The following CCDC146 variants were observed in gnomAD, a reference collection of about 807,000 sequenced individuals.
CCDC146 encodes the protein coiled-coil domain containing 146.
Under a neutral mutation model 119.3 loss-of-function variants are expected in CCDC146, and 92 were observed. The ratio of observed to expected loss-of-function variants is 0.77; its 90% CI spans 0.65 to 0.92. The LOEUF is 0.92. CCDC146 is among the 40% of genes least tolerant of loss of function. The pLI, the probability that CCDC146 is intolerant of heterozygous loss-of-function variation, is 0.00. For synonymous variants in CCDC146, 372 were observed against 371.8 expected (o/e 1.00, Z -0.01); for missense variants, 1,000 against 1,103.0 (o/e 0.91, Z 1.32).
rs540486911 is a variant in CCDC146, at chr7:77,140,039, C to T, written c.-12+17307C>T. ...CCTCCCCAGTAGCTGGGATTACAGGCGTGCACCATCACACCCAGCTAATTT... is the reference window on the plus strand; with the variant it reads ...CCTCCCCAGTAGCTGGGATTACAGGTGTGCACCATCACACCCAGCTAATTT... On this transcript the variant is annotated intron_variant, in intron 1 of 18. Transcript: ENST00000285871. Among the ~76,000 whole-genome samples, 6 of 152,050 alleles carry T rather than the reference C, an allele frequency of 3.9e-5. No homozygotes were observed. In the East Asian group the frequency reaches 7.7e-4, roughly 20 times the overall value.
Position 77,262,185 on chromosome 7 carries a change from T to G in CCDC146, c.1051T>G (p.Ser351Ala), listed in dbSNP as rs532569852. The G allele has an allele frequency of 3.1e-6, 5 of 1,613,840 alleles. No homozygotes were observed. In the African/African-American group the frequency reaches 5.3e-5, roughly 17 times the overall value. Reference sequence around the variant, plus strand: ...CAAGCAGAACTACCATGATGAACTTTCTCGTAAGCAAAGAGAGAAAGAACG... The same window carrying G: ...CAAGCAGAACTACCATGATGAACTTGCTCGTAAGCAAAGAGAGAAAGAACG... Reference protein sequence around the residue: ...IDKQNYHDELSRKQREKERDF... With the variant: ...IDKQNYHDELARKQREKERDF... The change falls in exon 9 of 19, where the codon TCT becomes GCT. Residue 351 changes from serine (S) to alanine (A), a missense_variant. Coordinates refer to ENST00000285871, the MANE Select transcript of CCDC146 (RefSeq NM_020879.3).
At chr7:77,291,797 C>T (rs17151202) in intron 17 of CCDC146, among the ~76,000 whole-genome samples, 8,853 of 152,318 alleles carry the variant, frequency 0.058, 368 homozygotes, top group South Asian at 0.19. Flanking sequence ...ATGCATGTTT[C>T]TGACCTAGTA....
chr7:77,187,481 C>T (rs1368981758), intron 2 of CCDC146, among the ~76,000 whole-genome samples: 1 of 152,142 alleles, frequency 6.6e-6, no homozygotes, highest in Non-Finnish European at 1.5e-5. Flanking sequence ...CCCTTTTTGG[C>T]CAGGTTCTCA....
At chr7:77,159,715 C>T (rs2117464321) in intron 1 of CCDC146, among the ~76,000 whole-genome samples, 1 of 152,314 alleles carries the variant, frequency 6.6e-6, no homozygotes, top group South Asian at 2.1e-4. Flanking sequence ...ATACTGTTTT[C>T]TATAATGGTT....
At chr7:77,213,159 C>G (rs1792221780) in intron 2 of CCDC146, among the ~76,000 whole-genome samples, 1 of 151,978 alleles carries the variant, frequency 6.6e-6, no homozygotes. Flanking sequence ...GGCGCAATTA[C>G]AGCTCACTGC....
At chr7:77,251,891 G>A (rs1227463312) in intron 4 of CCDC146, among the ~76,000 whole-genome samples, 3 of 152,256 alleles carry the variant, frequency 2.0e-5, no homozygotes, top group Non-Finnish European at 4.4e-5. Context: ...GCTCACGCCT[G>A]TAATCCCAGC....
chr7:77,252,056 G>A (rs976640947), intron 4 of CCDC146, among the ~76,000 whole-genome samples: 1 of 152,146 alleles, frequency 6.6e-6, no homozygotes, highest in Non-Finnish European at 1.5e-5. Context: ...GGCTGAGGCA[G>A]GAGAATTGCT....
chr7:77,263,430 C>T (rs1204939390), intron 9 of CCDC146, among the ~76,000 whole-genome samples: 8 of 152,158 alleles, frequency 5.3e-5, no homozygotes, highest in Admixed American at 2.6e-4. Flanking sequence ...GATTGCCCAC[C>T]GGCTTTGTAG....
intron 2 of CCDC146, chr7:77,198,837 T>TA (rs1791924546): frequency 3.1e-6 from 1 of 317,574 alleles, no homozygotes. Flanking sequence ...AACATCGCCT[T>TA]ATCTTTATTG....
intron 18 of CCDC146, among the ~76,000 whole-genome samples, 198 bp from the exon 19 acceptor site, chr7:77,294,464 GT>G (rs1487837290): frequency 0.035 from 789 of 22,858 alleles, 5 homozygotes; most frequent in Admixed American, 0.04. Context: ...TGAGAGGTAG[GT>G]GTGTGTGTGT....
At chr7:77,286,208 C>T (rs1390342481) in intron 15 of CCDC146, among the ~76,000 whole-genome samples, 1 of 152,160 alleles carries the variant, frequency 6.6e-6, no homozygotes, top group African/African-American at 2.4e-5. Flanking sequence ...GGGGCGCAGG[C>T]ACATTGCATG....
At chr7:77,279,286 AT>A (rs1793718086) in intron 13 of CCDC146, among the ~76,000 whole-genome samples, 185 bp downstream of exon 13, 1 of 152,152 alleles carries the variant, frequency 6.6e-6, no homozygotes, top group South Asian at 2.1e-4. Flanking sequence ...AAAATAAAAA[AT>A]AAAAAGAATA....
intron 15 of CCDC146, among the ~76,000 whole-genome samples, chr7:77,286,398 G>A (rs570179132): frequency 2.0e-5 from 3 of 152,072 alleles, no homozygotes; most frequent in Non-Finnish European, 4.4e-5. Flanking sequence ...CACCACCAAC[G>A]TTGGGGATTA....
intron 1 of CCDC146, among the ~76,000 whole-genome samples, chr7:77,158,773 A>G (rs1791213579): frequency 6.6e-6 from 1 of 152,034 alleles, no homozygotes; most frequent in African/African-American, 2.4e-5. Flanking sequence ...CCACCTCCAC[A>G]CCACAAAGTA....
At chr7:77,170,513 A>C (rs1392868304) in intron 2 of CCDC146, among the ~76,000 whole-genome samples, 1 of 152,154 alleles carries the variant, frequency 6.6e-6, no homozygotes, top group African/African-American at 2.4e-5. Context: ...TGCTGGGCTG[A>C]ATGGTAGCTC....
rs879932808 is a variant in CCDC146, at chr7:77,284,984, G to GT, written c.2149-1804dup. On this transcript the variant is annotated intron_variant, in intron 15 of 18. Coordinates refer to ENST00000285871, the MANE Select transcript of CCDC146 (RefSeq NM_020879.3). ...TTACAGCCACAGTGTCTTGGGGTTT[G>GT]TTTTTTTTTTAAGTCTTCTCCCTTT... Among the ~76,000 whole-genome samples the GT allele has an allele frequency of 2.7e-3, 397 of 146,520 alleles. 1 individual carries two copies. The highest frequency in any genetic ancestry group is 6.5e-3 in the Admixed American group (96 of 14,666).
chr7:77,162,053 C>T (rs1415284983), intron 1 of CCDC146, among the ~76,000 whole-genome samples: 1 of 152,058 alleles, frequency 6.6e-6, no homozygotes, highest in Non-Finnish European at 1.5e-5. Context: ...ATGTTAACCC[C>T]TTGTCACATA....
intron 1 of CCDC146, among the ~76,000 whole-genome samples, chr7:77,142,411 A>G (rs1790948219): frequency 6.7e-6 from 1 of 149,194 alleles, no homozygotes; most frequent in South Asian, 2.1e-4. Context: ...TACATGTGCC[A>G]TGTGTACATG....
intron 2 of CCDC146, among the ~76,000 whole-genome samples, chr7:77,200,889 T>C (rs1791974829): frequency 6.6e-6 from 1 of 152,246 alleles, no homozygotes; most frequent in South Asian, 2.1e-4. Context: ...AAGGGTTTTT[T>C]TGCTTTAAAA....
Sources: allele counts gnomAD v4.1 joint callset (sites outside exome capture counted in the v4.1 genomes callset), GRCh38; gene constraint gnomAD v4.1.1; transcripts MANE v1.5; gene names NCBI Gene and HGNC (gene_info 2026-07-23, HGNC 2026-07-21).